Variants in FAAP20 observed in about 807,000 individuals in gnomAD.
FAAP20 encodes the protein FA core complex associated protein 20, also known as Fanconi anemia core complex-associated protein 20.
FAAP20 carries 12 observed loss-of-function variants against 16.2 expected under a neutral mutation model. That is an observed-to-expected ratio of 0.74 (90% CI 0.48 to 1.20). The LOEUF is 1.20. Among genes scored for constraint, FAAP20 ranks in the 50% most tolerant of loss-of-function variants. The pLI, the probability that FAAP20 is intolerant of heterozygous loss-of-function variation, is 0.00. For missense variants in FAAP20, 288 were observed against 245.8 expected, an observed-to-expected ratio of 1.17 and a Z score of -1.15; for synonymous variants, 141 against 110.7, an observed-to-expected ratio of 1.27 and a Z score of -1.72.
chr1:2,210,054 G>T (rs1348548327), downstream of FAAP20, among the ~76,000 whole-genome samples: 1 of 152,138 alleles, frequency 6.6e-6, no homozygotes, highest in Non-Finnish European at 1.5e-5. Context: ...GAGGGGAGCT[G>T]GGGGAAAAGG....
upstream of FAAP20, among the ~76,000 whole-genome samples, chr1:2,201,746 G>A (rs1557791035): frequency 6.6e-6 from 1 of 150,992 alleles, no homozygotes; most frequent in South Asian, 2.1e-4. Flanking sequence ...GTCTGGGCGC[G>A]GTGGCTCATG....
upstream of FAAP20, chr1:2,194,840 A>G (rs1557785128): frequency 5.3e-6 from 5 of 935,966 alleles, no homozygotes; most frequent in Non-Finnish European, 6.2e-6. Context: ...AGACCTCTGC[A>G]GCGAGGCCGC....
chr1:2,194,560 G>C (rs1439607595), intron 1 of FAAP20, 128 bp downstream of exon 1: 3 of 366,168 alleles, frequency 8.2e-6, no homozygotes, highest in East Asian at 1.5e-4. Flanking sequence ...GGCGACGGGC[G>C]TGGGGGCCGG....
intron 3 of FAAP20, 130 bp from the exon 4 acceptor site, chr1:2,189,911 G>A: frequency 1.3e-6 from 1 of 750,594 alleles, no homozygotes; most frequent in Admixed American, 2.0e-5. Flanking sequence ...AACAAGGGAC[G>A]GGGCCACCCC....
chr1:2,196,425 G>T (rs1007577531), upstream of FAAP20, among the ~76,000 whole-genome samples: 1 of 152,052 alleles, frequency 6.6e-6, no homozygotes, highest in African/African-American at 2.4e-5. This position sits in a 1 kb window ranked among gnomAD's most constrained non-coding sequence, Gnocchi z 4.5. Flanking sequence ...GGGCATGGTG[G>T]CATGTGCCTG....
intron 3 of FAAP20, chr1:2,192,848 C>T: frequency 7.9e-7 from 1 of 1,265,842 alleles, no homozygotes; most frequent in South Asian, 1.2e-5. Flanking sequence ...AACCCACCTG[C>T]CTCAGCCTCT....
In FAAP20 at chr1:2,193,270, G is replaced by A. The variant is rs553325236; in HGVS notation, c.470+369C>T. The stretch of plus-strand genomic sequence containing the variant: ...AAAAGCATCTCCAGACAAAAAAGAC[G>A]ATCTTCATTTTTAAAACCCATGACG... On this transcript the variant is annotated intron_variant, in intron 3 of 3. Coordinates refer to ENST00000378546, the MANE Select transcript of FAAP20 (RefSeq NM_182533.4). 8.0e-4 allele frequency: 324 copies of A among 404,224 alleles called. 3 individuals carry two copies. The highest frequency in any genetic ancestry group is 7.8e-3 in the South Asian group (265 of 33,962). The allele number at this position is 404,224 out of a possible 1,614,324, so 25.0% of individuals were successfully genotyped here. A position where few individuals can be genotyped will look rare whatever the true frequency, so the allele number is the denominator to read the frequency against.
downstream of FAAP20, among the ~76,000 whole-genome samples, chr1:2,209,838 C>T (rs2100768197): frequency 6.6e-6 from 1 of 152,386 alleles, no homozygotes; most frequent in Non-Finnish European, 1.5e-5. Flanking sequence ...TTCCAGCCTC[C>T]CTCCTGCCTT....
chr1:2,192,991 C>T (rs1381751514), intron 3 of FAAP20: 7 of 1,303,894 alleles, frequency 5.4e-6, no homozygotes, highest in Non-Finnish European at 7.1e-6. Flanking sequence ...AGACCAGGGG[C>T]ATCAGGCATG....
chr1:2,204,232 G>A (rs1351961663), upstream of FAAP20, among the ~76,000 whole-genome samples: 2 of 152,226 alleles, frequency 1.3e-5, no homozygotes, highest in Admixed American at 6.5e-5. Context: ...GTGTCCCTCC[G>A]GTGACCCCAG....
chr1:2,188,614 A>G (rs1212529994), downstream of FAAP20, among the ~76,000 whole-genome samples: 1 of 152,098 alleles, frequency 6.6e-6, no homozygotes, highest in Non-Finnish European at 1.5e-5. Context: ...GAGGATTTCA[A>G]CCTAGGGATT....
upstream of FAAP20, chr1:2,198,256 C>A (rs1205528588): frequency 1.8e-6 from 2 of 1,082,166 alleles, no homozygotes; most frequent in African/African-American, 1.6e-5. Flanking sequence ...GAGTTTGCAT[C>A]CCAGGCAGAG....
downstream of FAAP20, among the ~76,000 whole-genome samples, chr1:2,188,198 T>C (rs115234914): frequency 9.0e-3 from 1,366 of 152,318 alleles, 20 homozygotes; most frequent in African/African-American, 0.031. Context: ...ACCTGGGGGC[T>C]GAACAGCAGT....
At chr1:2,209,332 C>A (rs549383704), downstream of FAAP20, among the ~76,000 whole-genome samples, 6 of 152,322 alleles carry the variant, frequency 3.9e-5, no homozygotes, top group South Asian at 1.2e-3. Flanking sequence ...TCTCGACTTA[C>A]CCTCGTCTAT....
In FAAP20 at chr1:2,194,698, G is replaced by C; in HGVS notation, c.52C>G (p.Pro18Ala). ...RLGLSRRRPRPAGGPSGGRPW... is the reference protein window; with the variant it reads ...RLGLSRRRPRAAGGPSGGRPW... ...GGCTCCCGGCCTCACCCGCCCGCCG[G>C]GCGCGGCCTCCGGCGGCTCAACCCC... Residue 18 changes from proline to alanine, a missense_variant, in exon 1 of 4, where the codon CCG becomes GCG. Coordinates refer to ENST00000378546, the MANE Select transcript of FAAP20 (RefSeq NM_182533.4). 1 of 1,168,670 alleles carries C rather than the reference G, an allele frequency of 8.6e-7. No individual in the cohort carries two copies. Among genetic ancestry groups the C allele is most frequent in the East Asian group, 4.0e-5 (1 of 25,010 alleles). The allele number at this position is 1,168,670 out of a possible 1,614,324, so 72.4% of individuals were successfully genotyped here.
chr1:2,208,369 T>C (rs1398897389), downstream of FAAP20, among the ~76,000 whole-genome samples: 2 of 152,204 alleles, frequency 1.3e-5, no homozygotes, highest in Non-Finnish European at 2.9e-5. Flanking sequence ...TTCCTCTCTC[T>C]GCCCCCCTCC....
At chr1:2,195,202 C>G (rs1481319706), upstream of FAAP20, among the ~76,000 whole-genome samples, 1 of 152,240 alleles carries the variant, frequency 6.6e-6, no homozygotes, top group African/African-American at 2.4e-5. Context: ...TTACAAAAGG[C>G]GGGGAACTCA....
chr1:2,205,361 C>T (rs565428550), intron 3 of FAAP20, among the ~76,000 whole-genome samples: 1 of 147,244 alleles, frequency 6.8e-6, no homozygotes, highest in Non-Finnish European at 1.5e-5. Flanking sequence ...CCCGCCCCAG[C>T]TGTGTCCTCG....
At chr1:2,193,130 G>A (rs916112400) in intron 3 of FAAP20, 10 of 654,436 alleles carry the variant, frequency 1.5e-5, no homozygotes, top group Non-Finnish European at 2.2e-5. Flanking sequence ...CCCAGAGGTC[G>A]CCAGACACAA....
Sources: allele counts gnomAD v4.1 joint callset (sites outside exome capture counted in the v4.1 genomes callset), GRCh38; gene constraint gnomAD v4.1.1; non-coding constraint Gnocchi (gnomAD v3.1); transcripts MANE v1.5; gene names NCBI Gene and HGNC (gene_info 2026-07-23, HGNC 2026-07-21).